The following MKLN1 variants were observed in gnomAD, a reference collection of about 807,000 sequenced individuals.
MKLN1 encodes muskelin 1.
MKLN1 carries 18 observed loss-of-function variants against 99.0 expected under a neutral mutation model. That is an observed-to-expected ratio of 0.18 (90% CI 0.13 to 0.27). The LOEUF is 0.27. Ranked by LOEUF, MKLN1 falls within the 10% of genes least tolerant of loss-of-function variation. The pLI is 1.00. For synonymous variants in MKLN1, 288 were observed against 293.2 expected, an observed-to-expected ratio of 0.98 and a Z score of 0.18; for missense variants, 621 against 875.9, an observed-to-expected ratio of 0.71 and a Z score of 3.67.
chr7:131,253,420 G>T (rs1318758527), intron 3 of MKLN1, among the ~76,000 whole-genome samples: 1 of 152,198 alleles, frequency 6.6e-6, no homozygotes, highest in Admixed American at 6.5e-5. Context: ...GCAGCCAAGA[G>T]GTGGGTGATC....
At chr7:131,480,020 C>CAAAAAA (rs1224471886) in intron 17 of MKLN1, among the ~76,000 whole-genome samples, 3 of 61,318 alleles carry the variant, frequency 4.9e-5, no homozygotes, top group Admixed American at 1.9e-4. Context: ...GACTCCATCT[C>CAAAAAA]AAAAAAAAAA....
chr7:131,449,804 C>T (rs1057192316), intron 12 of MKLN1, among the ~76,000 whole-genome samples: 1 of 152,042 alleles, frequency 6.6e-6, no homozygotes, highest in East Asian at 1.9e-4. Flanking sequence ...TCTAGCTCTC[C>T]GGAGTCTATT....
intron 3 of MKLN1, among the ~76,000 whole-genome samples, chr7:131,289,058 C>T (rs1041773421): frequency 1.3e-5 from 2 of 152,126 alleles, no homozygotes; most frequent in African/African-American, 4.8e-5. Context: ...CTCCTGGGCT[C>T]AGGCAATCCT....
intron 2 of MKLN1, among the ~76,000 whole-genome samples, chr7:131,192,260 CAATATATAAATATATAAAATATATA>C (rs1563247643): frequency 3.2e-5 from 2 of 61,608 alleles, no homozygotes; most frequent in African/African-American, 1.5e-4. Flanking sequence ...ATAATATATA[CAATATATAAATATATAAAATATATA>C]ATATATACAA....
At chr7:131,296,492 C>A (rs989880483) in intron 3 of MKLN1, among the ~76,000 whole-genome samples, 38 of 152,130 alleles carry the variant, frequency 2.5e-4, no homozygotes, top group Non-Finnish European at 2.9e-5. Context: ...AGATTTTTCC[C>A]TTCCATTTTA....
chr7:131,265,606 C>G (rs1166677038), intron 3 of MKLN1, among the ~76,000 whole-genome samples: 1 of 152,072 alleles, frequency 6.6e-6, no homozygotes, highest in African/African-American at 2.4e-5. Context: ...TGTAAGAATC[C>G]CAGCGGAGGA....
chr7:131,465,567 C>T (rs1344259664), intron 14 of MKLN1, among the ~76,000 whole-genome samples: 5 of 151,500 alleles, frequency 3.3e-5, no homozygotes, highest in African/African-American at 1.2e-4. Flanking sequence ...GAGACGGAGT[C>T]TCGGTCTGTT....
intron 3 of MKLN1, among the ~76,000 whole-genome samples, chr7:131,305,496 T>C (rs551555261): frequency 5.9e-5 from 9 of 152,354 alleles, no homozygotes; most frequent in African/African-American, 2.2e-4. Context: ...CTCTATTTCC[T>C]TGGATAAGTC....
chr7:131,229,847 C>T (rs908516262), intron 3 of MKLN1, among the ~76,000 whole-genome samples: 3 of 152,188 alleles, frequency 2.0e-5, no homozygotes, highest in Non-Finnish European at 2.9e-5. Flanking sequence ...AGCCACCACA[C>T]TTAGGCGGTG....
chr7:131,368,724 C>T (rs549246173), intron 1 of MKLN1, among the ~76,000 whole-genome samples: 7 of 152,112 alleles, frequency 4.6e-5, no homozygotes, highest in Admixed American at 1.3e-4. Flanking sequence ...GAGATTTGGG[C>T]GGGGACACAG....
intron 3 of MKLN1, among the ~76,000 whole-genome samples, chr7:131,231,142 A>AAAAG (rs1797237870): frequency 6.8e-6 from 1 of 147,544 alleles, no homozygotes; most frequent in East Asian, 2.0e-4. Context: ...AAAAAAAAAA[A>AAAAG]GGTTTTAAAT....
chr7:131,332,811 T>C (rs138727738), intron 1 of MKLN1, among the ~76,000 whole-genome samples: 2,289 of 152,258 alleles, frequency 0.015, 22 homozygotes, highest in Non-Finnish European at 0.024. Flanking sequence ...TCACCCATGC[T>C]GGAGTACAGT....
intron 3 of MKLN1, among the ~76,000 whole-genome samples, chr7:131,258,751 A>G (rs1009606283): frequency 7.9e-5 from 12 of 152,120 alleles, no homozygotes; most frequent in African/African-American, 2.9e-4. Flanking sequence ...TATGAGATCA[A>G]TTCTAGTCAG....
intron 1 of MKLN1, among the ~76,000 whole-genome samples, chr7:131,350,363 G>A (rs754505229): frequency 3.3e-5 from 5 of 151,776 alleles, no homozygotes; most frequent in Admixed American, 1.3e-4. Flanking sequence ...CCTGGCCTTC[G>A]TTATCTATTA....
chr7:131,252,329 CTTTTT>C (rs60581249), intron 3 of MKLN1, among the ~76,000 whole-genome samples: 1 of 118,530 alleles, frequency 8.4e-6, no homozygotes. Context: ...TTTTTCTTTT[CTTTTT>C]TTTTTTTTTT....
intron 13 of MKLN1, among the ~76,000 whole-genome samples, chr7:131,463,738 A>G (rs1023513054): frequency 1.3e-5 from 2 of 152,200 alleles, no homozygotes; most frequent in African/African-American, 4.8e-5. Flanking sequence ...ATTACTTAGC[A>G]TTTCCAAACC....
intron 2 of MKLN1, among the ~76,000 whole-genome samples, chr7:131,161,963 GTA>G (rs71168374): frequency 0.08 from 8,672 of 108,344 alleles, 259 homozygotes; most frequent in Non-Finnish European, 0.11. Context: ...GTGTGTGTGT[GTA>G]TATATATATA....
intron 3 of MKLN1, among the ~76,000 whole-genome samples, chr7:131,272,448 G>T (rs1479288714): frequency 2.6e-5 from 4 of 152,228 alleles, no homozygotes; most frequent in Non-Finnish European, 2.9e-5. Context: ...ATATGTGACT[G>T]GTAGGGGTGA....
At chr7:131,383,386 T>G (rs1229490799) in intron 2 of MKLN1, among the ~76,000 whole-genome samples, 1 of 152,148 alleles carries the variant, frequency 6.6e-6, no homozygotes, top group Admixed American at 6.5e-5. Flanking sequence ...TTCTTTGAGG[T>G]TGAAAGCCCA....
Sources: allele counts gnomAD v4.1 joint callset (sites outside exome capture counted in the v4.1 genomes callset), GRCh38; gene constraint gnomAD v4.1.1; transcripts MANE v1.5; gene names NCBI Gene and HGNC (gene_info 2026-07-23, HGNC 2026-07-21).